GABRA4: variants seen among roughly 807,000 people sequenced by gnomAD.
GABRA4 encodes the protein gamma-aminobutyric acid receptor subunit alpha-4.
Under a neutral mutation model 49.7 loss-of-function variants are expected in GABRA4, and 12 were observed. That is an observed-to-expected ratio of 0.24 (90% CI 0.15 to 0.39). GABRA4 has a LOEUF of 0.39. GABRA4 is among the 10% of genes least tolerant of loss of function. The probability of loss-of-function intolerance (pLI) is 1.00; values close to 1 mark genes in which losing one functional copy is unlikely to be tolerated. For synonymous variants in GABRA4, 288 were observed against 240.2 expected (o/e 1.20, Z -1.84); for missense variants, 506 against 686.0 (o/e 0.74, Z 2.93).
intron 6 of GABRA4, among the ~76,000 whole-genome samples, chr4:46,971,766 T>C (rs1197247301): frequency 6.6e-6 from 1 of 151,248 alleles, no homozygotes; most frequent in African/African-American, 2.4e-5. Flanking sequence ...AGTCACAAGC[T>C]TAGAGAGAGG....
chr4:46,971,058 C>A, intron 7 of GABRA4, 25 bp downstream of exon 7: 1 of 1,592,258 alleles, frequency 6.3e-7, no homozygotes, highest in Non-Finnish European at 8.5e-7. Context: ...TGAACAAAAA[C>A]GCCCAAGAAA....
chr4:46,988,280 T>C (rs1291228077), intron 2 of GABRA4, among the ~76,000 whole-genome samples: 1 of 152,170 alleles, frequency 6.6e-6, no homozygotes, highest in Admixed American at 6.5e-5. Flanking sequence ...TATTCATCTC[T>C]CTATAATGCT....
At position 46,928,532 on chromosome 4, in the gene GABRA4, G is replaced by T. The variant is rs1290786542; in HGVS notation, c.1358C>A (p.Ser453Tyr). 1.2e-6 allele frequency: 2 copies of T among 1,613,598 alleles called. No individual in the cohort carries two copies. Among genetic ancestry groups the T allele is most frequent in the African/African-American group, 2.7e-5 (2 of 74,904 alleles). ...AGTTCGGATAGAAGTAGGAGAAGCA[G>T]ATGGAAGTGCTCTTGCTGCAGATAT... ...ETISAARALP[S>Y]ASPTSIRTGY... The change falls in exon 9 of 9, where the codon TCT becomes TAT. Residue 453 changes from serine (S) to tyrosine (Y), a missense_variant. By Grantham distance (144) the Ser-to-Tyr change is moderately radical. Around this residue, in one of 5 missense-constraint regions of GABRA4, gnomAD observed 243 missense variants for 210.8 expected, o/e 1.15. Transcript: ENST00000264318.
At chr4:46,978,773 G>T (rs1723243780) in intron 3 of GABRA4, among the ~76,000 whole-genome samples, 1 of 150,806 alleles carries the variant, frequency 6.6e-6, no homozygotes, top group South Asian at 2.1e-4. Context: ...ACCCTAGGTT[G>T]TGCTATAGGA....
At chr4:46,944,772 A>G (rs932994942) in intron 8 of GABRA4, among the ~76,000 whole-genome samples, 3 of 152,056 alleles carry the variant, frequency 2.0e-5, no homozygotes, top group East Asian at 1.9e-4. Flanking sequence ...TATAAACTCA[A>G]ATCAGGACCA....
Position 46,993,394 on chromosome 4 carries a change from C to T in GABRA4, c.31G>A (p.Ala11Thr). MVSAKKVPAIALSAGVSFALL... is the reference protein window; with the variant it reads MVSAKKVPAITLSAGVSFALL... ...GCGAAACTGACCCCGGCGGACAGAG[C>T]GATCGCGGGTACCTTCTTGGCAGAA... Residue 11 changes from alanine (A) to threonine (T), a missense_variant, in exon 1 of 9, where the codon GCT (alanine) becomes ACT (threonine). Physicochemically the swap from Ala to Thr is moderately conservative, Grantham distance 58 (BLOSUM62 0). Transcript: ENST00000264318. 1 of 1,614,170 alleles carries T rather than the reference C, an allele frequency of 6.2e-7. No homozygotes were observed. The highest frequency in any genetic ancestry group is 1.7e-5 in the Admixed American group (1 of 60,032).
chr4:46,928,344 T>A lies in GABRA4; in HGVS notation c.1546A>T (p.Ser516Cys). ...SAPPPSGSGTSKIDKYARILF... is the reference protein window; with the variant it reads ...SAPPPSGSGTCKIDKYARILF... ...ATACGGGCATATTTGTCTATTTTAC[T>A]TGTGCCAGATCCAGAAGGTGGTGGA... is the stretch of plus-strand genomic sequence containing the variant. Residue 516 changes from serine (S) to cysteine (C), a missense_variant, in exon 9 of 9, where the codon AGT becomes TGT. By Grantham distance (112) the Ser-to-Cys change is moderately radical (BLOSUM62 -1). Around this residue, in one of 5 missense-constraint regions of GABRA4, gnomAD observed 243 missense variants for 210.8 expected, o/e 1.15. Coordinates refer to ENST00000264318, the MANE Select transcript of GABRA4 (RefSeq NM_000809.4). The A allele has an allele frequency of 2.5e-6, 4 of 1,613,608 alleles. No individual in the cohort carries two copies. The highest frequency in any genetic ancestry group is 3.4e-6 in the Non-Finnish European group (4 of 1,179,672).
chr4:46,978,702 A>AG (rs1246854552), intron 3 of GABRA4, among the ~76,000 whole-genome samples: 8 of 149,822 alleles, frequency 5.3e-5, no homozygotes, highest in Admixed American at 2.0e-4. Context: ...AAAAAAAAAA[A>AG]AAAAAAAAAA....
chr4:46,930,596 A>C (rs1721392824), intron 8 of GABRA4, among the ~76,000 whole-genome samples: 1 of 151,994 alleles, frequency 6.6e-6, no homozygotes, highest in Non-Finnish European at 1.5e-5. Flanking sequence ...AGAAGAAAAG[A>C]GAGTAAAATG....
At chr4:46,967,350 T>C (rs1722799724) in intron 7 of GABRA4, among the ~76,000 whole-genome samples, 1 of 151,484 alleles carries the variant, frequency 6.6e-6, no homozygotes, top group African/African-American at 2.4e-5. Context: ...TATGTTACTT[T>C]GAACTTTTTT....
intron 1 of GABRA4, 36 bp downstream of exon 1, chr4:46,993,303 T>G: frequency 1.3e-6 from 2 of 1,579,868 alleles, no homozygotes; most frequent in Non-Finnish European, 1.7e-6. Flanking sequence ...TTCTCCACTT[T>G]CCGTTGCCCA....
chr4:46,939,699 A>G (rs1471454736), intron 8 of GABRA4, among the ~76,000 whole-genome samples: 2 of 152,030 alleles, frequency 1.3e-5, no homozygotes, highest in African/African-American at 2.4e-5. Context: ...TGATCTTTGT[A>G]AACAGTTTGG....
intron 8 of GABRA4, among the ~76,000 whole-genome samples, chr4:46,936,810 T>C (rs978322052): frequency 3.3e-5 from 5 of 152,178 alleles, no homozygotes; most frequent in African/African-American, 9.6e-5. Flanking sequence ...GGCACGATAG[T>C]GTCACTTTTT....
intron 8 of GABRA4, among the ~76,000 whole-genome samples, chr4:46,943,742 A>G (rs1451918848): frequency 6.6e-6 from 1 of 152,154 alleles, no homozygotes; most frequent in African/African-American, 2.4e-5. Flanking sequence ...CTGGTAACTT[A>G]CTGCCTTTCT....
intron 8 of GABRA4, among the ~76,000 whole-genome samples, chr4:46,946,625 G>A (rs114857933): frequency 0.03 from 4,497 of 152,190 alleles, 80 homozygotes; most frequent in Middle Eastern, 0.12. Context: ...AACATTCTGC[G>A]AATAGGAAAG....
intron 8 of GABRA4, among the ~76,000 whole-genome samples, chr4:46,944,999 T>TA (rs1721936402): frequency 6.6e-6 from 1 of 152,114 alleles, no homozygotes; most frequent in Non-Finnish European, 1.5e-5. Context: ...TAAACAGTAT[T>TA]AAAATAAATC....
intron 8 of GABRA4, among the ~76,000 whole-genome samples, chr4:46,948,245 T>C (rs1722049907): frequency 6.6e-6 from 1 of 152,074 alleles, no homozygotes; most frequent in Non-Finnish European, 1.5e-5. Context: ...CCACTGAACA[T>C]CCAATCTGTG....
At position 46,923,680 on chromosome 4, in the gene GABRA4, C is replaced by T. The variant is rs550039690; in HGVS notation, c.*4545G>A. On this transcript the variant is annotated 3_prime_UTR_variant, in exon 9 of 9. Transcript: ENST00000264318. ...CCTCTAGATTTGTGGCCCTCCAAAC[C>T]ATAGTTCACACAATAATCAGGTGCT... The T allele has an allele frequency of 2.6e-5, 4 of 152,188 alleles. No homozygotes were observed. The East Asian group carries it at 5.8e-4, about 22-fold the overall frequency. 9.4% of individuals were successfully genotyped at this position (152,188 alleles called of 1,614,324 possible). A position where few individuals can be genotyped will look rare whatever the true frequency, so the allele number is the denominator to read the frequency against.
At position 46,965,258 on chromosome 4, in the gene GABRA4, A is replaced by G. The variant is rs752107884; in HGVS notation, c.875-29T>C. 9 of 1,390,378 alleles carry G rather than the reference A, an allele frequency of 6.5e-6. No homozygotes were observed. In the South Asian group the frequency reaches 1.2e-4, roughly 19 times the overall value. 86.1% of individuals were successfully genotyped at this position (1,390,378 alleles called of 1,614,324 possible). On this transcript the variant is annotated intron_variant, in intron 7 of 8. Coordinates refer to ENST00000264318, the MANE Select transcript of GABRA4 (RefSeq NM_000809.4). Reference sequence around the variant, plus strand: ...CAAAGCAAAAGAGCAGAGAGACAAAACACCTTACCATCATTTGTATTAAAA... The same window carrying G: ...CAAAGCAAAAGAGCAGAGAGACAAAGCACCTTACCATCATTTGTATTAAAA...
Sources: allele counts gnomAD v4.1 joint callset (sites outside exome capture counted in the v4.1 genomes callset), GRCh38; gene constraint gnomAD v4.1.1; regional missense constraint gnomAD v4.1.1; transcripts MANE v1.5; gene names NCBI Gene and HGNC (gene_info 2026-07-23, HGNC 2026-07-21).